Variants in CSMD1 observed in about 807,000 individuals in gnomAD.
CSMD1 encodes CUB and sushi domain-containing protein 1.
A neutral mutation model predicts 417.5 loss-of-function variants in CSMD1; 213 were observed. The ratio of observed to expected loss-of-function variants is 0.51; its 90% CI spans 0.46 to 0.57. CSMD1 has a LOEUF of 0.57. CSMD1 is among the 20% of genes least tolerant of loss of function. The probability of loss-of-function intolerance (pLI) is 0.00; values close to 1 mark genes in which losing one functional copy is unlikely to be tolerated. For missense variants in CSMD1, 6,923 were observed against 4,529.7 expected, an observed-to-expected ratio of 1.53 and a Z score of -15.17; for synonymous variants, 2,862 against 1,736.8, an observed-to-expected ratio of 1.65 and a Z score of -16.11.
chr8:4,407,571 A>C (rs963966377), intron 3 of CSMD1, among the ~76,000 whole-genome samples: 2 of 152,236 alleles, frequency 1.3e-5, no homozygotes, highest in Non-Finnish European at 2.9e-5. Flanking sequence ...TAATGTATAA[A>C]TGAAATGATA....
At chr8:4,298,667 TATTTC>T (rs1261148715) in intron 3 of CSMD1, among the ~76,000 whole-genome samples, 3 of 152,144 alleles carry the variant, frequency 2.0e-5, no homozygotes, top group Non-Finnish European at 2.9e-5. Context: ...TCTAAGAAGT[TATTTC>T]ATTTTCATTT....
chr8:3,174,486 C>G (rs1457955738), intron 37 of CSMD1, among the ~76,000 whole-genome samples: 4 of 152,086 alleles, frequency 2.6e-5, no homozygotes, highest in Non-Finnish European at 5.9e-5. Context: ...GAGTGAGATT[C>G]TGTCTCAAAA....
intron 5 of CSMD1, among the ~76,000 whole-genome samples, chr8:3,822,307 C>G (rs976562272): frequency 1.3e-5 from 2 of 152,120 alleles, no homozygotes; most frequent in African/African-American, 4.8e-5. Context: ...GGGGGAAGAA[C>G]AGGTGTTTTA....
chr8:3,008,462 T>TG (rs1808131699), intron 52 of CSMD1, among the ~76,000 whole-genome samples: 1 of 152,222 alleles, frequency 6.6e-6, no homozygotes, highest in Non-Finnish European at 1.5e-5. Context: ...TCTCAAAGCC[T>TG]TTGTTTCTAG....
chr8:4,379,697 A>C (rs1023370781), intron 3 of CSMD1, among the ~76,000 whole-genome samples: 1 of 57,212 alleles, frequency 1.7e-5, no homozygotes, highest in African/African-American at 4.3e-5. Flanking sequence ...CAATGAAGCA[A>C]CAATGGCGGG....
In CSMD1 at chr8:3,865,424, G is replaced by A. The variant is rs942878652; in HGVS notation, c.819-111382C>T. On this transcript the variant is annotated intron_variant, in intron 5 of 69. Coordinates refer to ENST00000635120, the MANE Select transcript of CSMD1 (RefSeq NM_033225.6). ...TCCTTGCACAGCTCTGCCTGCAAGC[G>A]AGACTGTGAGGGCTCAGAGGCAGAG... Among the ~76,000 whole-genome samples the A allele has an allele frequency of 4.1e-4, 62 of 152,104 alleles. 1 individual carries two copies. Among genetic ancestry groups the A allele is most frequent in the Non-Finnish European group, 2.9e-4 (20 of 68,020 alleles).
At chr8:2,977,423 G>C (rs1273347426) in intron 55 of CSMD1, among the ~76,000 whole-genome samples, 1 of 152,196 alleles carries the variant, frequency 6.6e-6, no homozygotes, top group Non-Finnish European at 1.5e-5. Context: ...CTCTGCAAAG[G>C]ACATAATCTC....
chr8:3,599,143 GTGTGTGTCTGTGTGTGTGTC>G (rs1385281466), intron 8 of CSMD1, among the ~76,000 whole-genome samples: 6 of 141,068 alleles, frequency 4.3e-5, no homozygotes, highest in African/African-American at 1.8e-4. Context: ...GTGTGTGTGT[GTGTGTGTCTGTGTGTGTGTC>G]TGTGTGTGTG....
rs1802546348 is a variant in CSMD1 at position 2,950,358 on chromosome 8, G to C, written c.10202-15C>G. The C allele has an allele frequency of 6.7e-7, 1 of 1,501,548 alleles. No homozygotes were observed. Among genetic ancestry groups the C allele is most frequent in the African/African-American group, 1.4e-5 (1 of 72,662 alleles). 93.0% of individuals were successfully genotyped at this position (1,501,548 alleles called of 1,614,324 possible). On this transcript the variant is annotated splice_polypyrimidine_tract_variant and intron_variant, in intron 66 of 69. Coordinates refer to ENST00000635120, the MANE Select transcript of CSMD1 (RefSeq NM_033225.6). ...CTTGTAAATGCCTGTGAAAAGATCA[G>C]CAGTTTAGGCTTACCTTGGAGAAAG... is the stretch of plus-strand genomic sequence containing the variant.
chr8:3,923,447 T>C (rs535028865), intron 5 of CSMD1, among the ~76,000 whole-genome samples: 1 of 152,346 alleles, frequency 6.6e-6, no homozygotes, highest in East Asian at 1.9e-4. Context: ...GATCATTTGC[T>C]TATTATATCT....
intron 30 of CSMD1, among the ~76,000 whole-genome samples, chr8:3,212,100 A>G (rs112028387): frequency 2.6e-5 from 4 of 152,284 alleles, no homozygotes; most frequent in African/African-American, 9.6e-5. Context: ...ATGCTAGATC[A>G]AAGGCTCTCT....
At chr8:4,004,815 G>C (rs899604067) in intron 4 of CSMD1, among the ~76,000 whole-genome samples, 78 of 152,222 alleles carry the variant, frequency 5.1e-4, no homozygotes, top group African/African-American at 1.8e-3. Context: ...CGCGATCTTG[G>C]CTCACTGTAA....
chr8:3,175,581 C>T (rs1251521882), intron 37 of CSMD1, among the ~76,000 whole-genome samples: 8 of 146,028 alleles, frequency 5.5e-5, no homozygotes, highest in African/African-American at 1.8e-4. Context: ...TCCTTCCTTC[C>T]TTTTTGTCCT....
intron 3 of CSMD1, among the ~76,000 whole-genome samples, chr8:4,248,113 T>A (rs941035632): frequency 1.3e-5 from 2 of 152,182 alleles, no homozygotes; most frequent in African/African-American, 4.8e-5. Context: ...TATTTCCAGT[T>A]TATTTTTTTT....
chr8:4,893,979 C>T (rs775293831), intron 1 of CSMD1, among the ~76,000 whole-genome samples: 56 of 152,142 alleles, frequency 3.7e-4, no homozygotes, highest in Admixed American at 6.5e-4. Flanking sequence ...TACAGATTTT[C>T]AAGAAGGATT....
At chr8:4,852,796 G>A (rs554510449) in intron 1 of CSMD1, among the ~76,000 whole-genome samples, 14 of 152,252 alleles carry the variant, frequency 9.2e-5, no homozygotes, top group African/African-American at 3.4e-4. Flanking sequence ...TGAGGTCTTA[G>A]ATGAAAATGA....
At chr8:3,778,229 C>G (rs983148041) in intron 5 of CSMD1, among the ~76,000 whole-genome samples, 1 of 148,320 alleles carries the variant, frequency 6.7e-6, no homozygotes, top group South Asian at 2.2e-4. Flanking sequence ...GTCTGTGGAA[C>G]TGACTATTTT....
At chr8:4,985,260 T>C (rs372696391) in intron 1 of CSMD1, among the ~76,000 whole-genome samples, 1 of 152,136 alleles carries the variant, frequency 6.6e-6, no homozygotes, top group African/African-American at 2.4e-5. Flanking sequence ...AACTAATGGA[T>C]ACTAGGCTTA....
chr8:4,661,783 T>C (rs975715026), intron 1 of CSMD1, among the ~76,000 whole-genome samples: 5 of 152,164 alleles, frequency 3.3e-5, no homozygotes, highest in Non-Finnish European at 5.9e-5. Context: ...ATCGTAATAA[T>C]CCTATATCCA....
Sources: gnomAD v4.1 joint callset for allele counts (sites outside exome capture counted in the v4.1 genomes callset) on GRCh38, gnomAD v4.1.1 for gene constraint, MANE v1.5 for transcripts, NCBI Gene and HGNC (gene_info 2026-07-23, HGNC 2026-07-21) for gene names.